Variants in CPE observed in about 807,000 individuals in gnomAD.
CPE encodes carboxypeptidase E, also known as carbocypeptidase E.
A neutral mutation model predicts 53.5 loss-of-function variants in CPE; 17 were observed. That is an observed-to-expected ratio of 0.32 (90% confidence interval 0.22 to 0.48). The LOEUF (loss-of-function observed/expected upper bound fraction) is 0.48. CPE is among the 20% of genes least tolerant of loss of function. The probability of loss-of-function intolerance (pLI) is 0.99; values close to 1 mark genes in which losing one functional copy is unlikely to be tolerated. For missense variants in CPE, 524 were observed against 614.7 expected, an observed-to-expected ratio of 0.85 and a Z score of 1.56; for synonymous variants, 226 against 228.8, an observed-to-expected ratio of 0.99 and a Z score of 0.11.
At chr4:165,449,758 G>A (rs1376273728) in intron 1 of CPE, among the ~76,000 whole-genome samples, 1 of 150,002 alleles carries the variant, frequency 6.7e-6, no homozygotes, top group Non-Finnish European at 1.5e-5. Context: ...TTTTTTTTCT[G>A]GGTTTGGGGC....
chr4:165,379,482 G>T lies in CPE; in HGVS notation c.261G>T (p.Glu87Asp). 6.2e-7 allele frequency: 1 copy of T among 1,602,526 alleles called. No individual in the cohort carries two copies. Among genetic ancestry groups the T allele is most frequent in the Admixed American group, 1.7e-5 (1 of 59,612 alleles). The change falls in exon 1 of 9, where the codon GAG (glutamate) becomes GAT (aspartate). Residue 87 changes from glutamate (E) to aspartate (D), a missense_variant. Glu to Asp is a conservative substitution (Grantham distance 45). Coordinates refer to ENST00000402744, the MANE Select transcript of CPE (RefSeq NM_001873.4). The surrounding 1 kb of genome is among the most constrained non-coding windows in gnomAD (Gnocchi z 6.0). ...TGGGGCGCAGCTTCGAGGGCCGGGA[G>T]CTCCTGGTCATCGAGCTGTCCGACA... ...YTVGRSFEGRELLVIELSDNP... is the reference protein window; with the variant it reads ...YTVGRSFEGRDLLVIELSDNP...
chr4:165,388,366 A>C (rs1345717696), intron 1 of CPE, among the ~76,000 whole-genome samples: 1 of 152,208 alleles, frequency 6.6e-6, no homozygotes, highest in Non-Finnish European at 1.5e-5. Context: ...ACTGTGTGGC[A>C]TTCCACACTG....
In CPE at chr4:165,379,396, C is replaced by T. The variant is rs1284048858; in HGVS notation, c.175C>T (p.Leu59=). The part of the protein sequence containing the change: ...ISFEYHRYPE[L]REALVSVWLQ... ...CTTCGAGTACCACCGCTACCCCGAG[C>T]TGCGCGAGGCGCTCGTGTCCGTGTG... The change falls in exon 1 of 9, where the codon CTG becomes TTG. Residue 59 remains leucine (L), a synonymous_variant. Coordinates refer to ENST00000402744, the MANE Select transcript of CPE (RefSeq NM_001873.4). This position sits in a 1 kb window ranked among gnomAD's most constrained non-coding sequence, Gnocchi z 6.0. 1 of 1,609,748 alleles carries T rather than the reference C, an allele frequency of 6.2e-7. No individual in the cohort carries two copies. Among genetic ancestry groups the T allele is most frequent in the African/African-American group, 1.3e-5 (1 of 74,892 alleles).
chr4:165,453,728 A>T (rs9991565), intron 1 of CPE, among the ~76,000 whole-genome samples: 4,396 of 152,202 alleles, frequency 0.029, 198 homozygotes, highest in African/African-American at 0.094. Flanking sequence ...ATACTTCATG[A>T]ACGTCCTCTT....
chr4:165,417,977 C>G (rs570880835), intron 1 of CPE, among the ~76,000 whole-genome samples: 13 of 152,230 alleles, frequency 8.5e-5, no homozygotes, highest in African/African-American at 2.9e-4. Flanking sequence ...TGAAGGACCT[C>G]AAGATCAAAT....
chr4:165,451,104 A>G (rs1215986495), intron 1 of CPE, among the ~76,000 whole-genome samples: 1 of 152,168 alleles, frequency 6.6e-6, no homozygotes, highest in Non-Finnish European at 1.5e-5. Context: ...AGATCTGCCG[A>G]ATTGGAATCT....
intron 1 of CPE, among the ~76,000 whole-genome samples, chr4:165,459,686 G>GGGGGGGGT (rs1363484864): frequency 8.6e-6 from 1 of 116,798 alleles, no homozygotes; most frequent in African/African-American, 4.0e-5. Context: ...GGGGGGGGCG[G>GGGGGGGGT]GGCAGATCAT....
chr4:165,487,811 C>T (rs1167088717), intron 6 of CPE, among the ~76,000 whole-genome samples: 4 of 152,054 alleles, frequency 2.6e-5, no homozygotes, highest in Admixed American at 2.0e-4. Context: ...AAGACGTAGA[C>T]TCTCGTTTCT....
chr4:165,439,035 A>G (rs1403149564), intron 1 of CPE, among the ~76,000 whole-genome samples: 6 of 152,206 alleles, frequency 3.9e-5, no homozygotes, highest in Non-Finnish European at 8.8e-5. Context: ...TCTGATTTTC[A>G]GTCAGGAAGA....
intron 6 of CPE, among the ~76,000 whole-genome samples, chr4:165,489,756 C>A (rs967667609): frequency 6.6e-6 from 1 of 152,142 alleles, no homozygotes; most frequent in Non-Finnish European, 1.5e-5. Flanking sequence ...ATTTGTCATA[C>A]TTATGGTAGC....
chr4:165,445,289 T>G (rs1485899041), intron 1 of CPE, among the ~76,000 whole-genome samples: 1 of 73,782 alleles, frequency 1.4e-5, no homozygotes, highest in African/African-American at 5.9e-5. Context: ...CCTTTTTTTG[T>G]TTTTTTTTTC....
chr4:165,387,129 T>G (rs1289472577), intron 1 of CPE, among the ~76,000 whole-genome samples: 1 of 152,206 alleles, frequency 6.6e-6, no homozygotes, highest in Non-Finnish European at 1.5e-5. Flanking sequence ...CTTTTTCTAA[T>G]AAAACATGGC....
At chr4:165,387,559 C>G (rs1028574903) in intron 1 of CPE, among the ~76,000 whole-genome samples, 1 of 152,074 alleles carries the variant, frequency 6.6e-6, no homozygotes, top group East Asian at 1.9e-4. Flanking sequence ...ACCTGTAATC[C>G]TAGCACTTTG....
At chr4:165,452,457 C>T (rs1731829459) in intron 1 of CPE, among the ~76,000 whole-genome samples, 1 of 151,574 alleles carries the variant, frequency 6.6e-6, no homozygotes, top group South Asian at 2.1e-4. Context: ...GAAAATAAAC[C>T]TGTGTATAGG....
chr4:165,478,828 TC>T (rs759898041), intron 3 of CPE, among the ~76,000 whole-genome samples: 11 of 152,152 alleles, frequency 7.2e-5, no homozygotes, highest in Non-Finnish European at 1.5e-4. Context: ...GAGAGTATTT[TC>T]CTTACCCCCG....
chr4:165,483,976 A>G (rs1241571683), intron 4 of CPE, among the ~76,000 whole-genome samples: 2 of 152,214 alleles, frequency 1.3e-5, no homozygotes, highest in Non-Finnish European at 2.9e-5. Context: ...GTGTATCAAA[A>G]TATGTTATTT....
At chr4:165,459,270 A>C (rs1190022465) in intron 1 of CPE, among the ~76,000 whole-genome samples, 1 of 152,186 alleles carries the variant, frequency 6.6e-6, no homozygotes, top group Non-Finnish European at 1.5e-5. Context: ...GCCTTAATTA[A>C]AACTGTGGAT....
At chr4:165,446,648 TAG>T (rs1731721445) in intron 1 of CPE, among the ~76,000 whole-genome samples, 1 of 152,156 alleles carries the variant, frequency 6.6e-6, no homozygotes, top group South Asian at 2.1e-4. Flanking sequence ...GCGCCCGGCC[TAG>T]AGTTATTTTC....
intron 1 of CPE, among the ~76,000 whole-genome samples, chr4:165,462,465 T>C (rs1268049551): frequency 3.4e-5 from 5 of 145,666 alleles, no homozygotes; most frequent in African/African-American, 1.2e-4. Flanking sequence ...CCAAAATGCC[T>C]TCTTAGTGCA....
Sources: gnomAD v4.1 joint callset for allele counts (sites outside exome capture counted in the v4.1 genomes callset) on GRCh38, gnomAD v4.1.1 for gene constraint, Gnocchi (gnomAD v3.1) non-coding constraint, MANE v1.5 for transcripts, NCBI Gene and HGNC (gene_info 2026-07-23, HGNC 2026-07-21) for gene names.